Variants in OPRM1 observed in about 807,000 individuals in gnomAD.
OPRM1 encodes the protein opioid receptor mu 1, also known as mu-type opioid receptor.
In OPRM1, 27 loss-of-function variants were observed where a neutral mutation model predicts 31.8. That is an observed-to-expected ratio of 0.85 (90% CI 0.63 to 1.17). OPRM1 has a LOEUF of 1.17. Ranked by LOEUF, OPRM1 falls within the 50% of genes most tolerant of loss-of-function variation. The pLI is 0.00. For synonymous variants in OPRM1, 196 were observed against 189.9 expected (o/e 1.03, Z -0.26); for missense variants, 536 against 511.1 (o/e 1.05, Z -0.47).
At position 154,091,426 on chromosome 6, in the gene OPRM1, G is replaced by C; in HGVS notation, c.1118G>C (p.Arg373Thr). The stretch of plus-strand genomic sequence containing the variant: ...TCCACTCGAATTCGTCAGAACACTA[G>C]AGACCACCCCTCCACGGCCAATACA... ...QNSTRIRQNT[R>T]DHPSTANTVD... Residue 373 changes from arginine to threonine, a missense_variant, in exon 3 of 4, where the codon AGA becomes ACA. Coordinates refer to ENST00000330432, the MANE Select transcript of OPRM1 (RefSeq NM_000914.5). 1.9e-6 allele frequency: 3 copies of C among 1,613,816 alleles called. No individual in the cohort carries two copies. The highest frequency in any genetic ancestry group is 2.5e-6 in the Non-Finnish European group (3 of 1,180,022).
At chr6:154,068,114 C>G (rs1785848797) in intron 1 of OPRM1, among the ~76,000 whole-genome samples, 1 of 152,034 alleles carries the variant, frequency 6.6e-6, no homozygotes, top group Non-Finnish European at 1.5e-5. Flanking sequence ...TCTATATTAT[C>G]ATTTCAACAA....
intron 3 of OPRM1, chr6:154,200,114 T>C (rs1215878976): frequency 7.4e-7 from 1 of 1,357,986 alleles, no homozygotes; most frequent in Non-Finnish European, 9.9e-7. Context: ...ACCTTTTATT[T>C]TCAATCACGG....
chr6:154,159,896 C>T (rs760465059), intron 3 of OPRM1: 2 of 1,613,840 alleles, frequency 1.2e-6, no homozygotes, highest in South Asian at 1.1e-5. Flanking sequence ...TCATCAGTGT[C>T]ATCAGGGGCA....
intron 3 of OPRM1, among the ~76,000 whole-genome samples, chr6:154,117,381 G>C (rs1796986731): frequency 6.6e-6 from 1 of 152,140 alleles, no homozygotes; most frequent in Admixed American, 6.5e-5. Context: ...CAACTCTATA[G>C]GTGCCAAAAT....
chr6:154,179,046 C>A (rs1388104462), intron 3 of OPRM1, among the ~76,000 whole-genome samples: 1 of 152,202 alleles, frequency 6.6e-6, no homozygotes, highest in Non-Finnish European at 1.5e-5. Flanking sequence ...AGGTCCACGA[C>A]CCAGTCAGGG....
chr6:154,088,048 G>GT (rs373277282), intron 1 of OPRM1, among the ~76,000 whole-genome samples: 10 of 151,732 alleles, frequency 6.6e-5, no homozygotes, highest in African/African-American at 2.2e-4. Context: ...ACATCCAAAA[G>GT]TTGTATGCAA....
At chr6:154,118,030 A>G (rs1797059524) in intron 3 of OPRM1, among the ~76,000 whole-genome samples, 1 of 152,208 alleles carries the variant, frequency 6.6e-6, no homozygotes, top group South Asian at 2.1e-4. Context: ...TAGCAGTATT[A>G]TAATGAATGA....
chr6:154,140,865 A>G (rs1160620260), intron 3 of OPRM1, among the ~76,000 whole-genome samples: 2 of 152,192 alleles, frequency 1.3e-5, no homozygotes, highest in Non-Finnish European at 2.9e-5. Flanking sequence ...TTTTAATGTG[A>G]TCAAGTCCAT....
downstream of OPRM1, among the ~76,000 whole-genome samples, chr6:154,134,430 A>G (rs540489055): frequency 1.7e-4 from 26 of 152,322 alleles, 1 homozygote; most frequent in Admixed American, 1.2e-3. Flanking sequence ...ATGTCTGCAA[A>G]GAAGACTTCT....
At chr6:154,114,840 G>T (rs1796699017) in intron 3 of OPRM1, among the ~76,000 whole-genome samples, 1 of 150,472 alleles carries the variant, frequency 6.6e-6, no homozygotes, top group Non-Finnish European at 1.5e-5. Context: ...CCTTGGTCAA[G>T]GTTGTGGTTT....
At chr6:154,036,459 G>T (rs1373884753), upstream of OPRM1, among the ~76,000 whole-genome samples, 1 of 151,920 alleles carries the variant, frequency 6.6e-6, no homozygotes, top group Admixed American at 6.5e-5. Flanking sequence ...GAAGCACAAA[G>T]TTCAAGTCCT....
chr6:154,011,554 G>T (rs902324670), intron 1 of OPRM1, among the ~76,000 whole-genome samples: 2 of 152,046 alleles, frequency 1.3e-5, no homozygotes, highest in African/African-American at 4.8e-5. Context: ...CTCATACAAA[G>T]AATTTAAGCC....
chr6:154,066,217 G>T (rs1177419320), intron 1 of OPRM1, among the ~76,000 whole-genome samples: 1 of 152,022 alleles, frequency 6.6e-6, no homozygotes, highest in Non-Finnish European at 1.5e-5. Context: ...AGGGACATTG[G>T]TTTACTGTTT....
upstream of OPRM1, chr6:154,039,020 C>T (rs1171572082): frequency 2.1e-6 from 2 of 972,418 alleles, no homozygotes; most frequent in East Asian, 2.7e-5. Context: ...TTTCATCAAG[C>T]CAATGTATTC....
downstream of OPRM1, among the ~76,000 whole-genome samples, chr6:154,136,388 C>T (rs894583969): frequency 1.3e-5 from 2 of 152,170 alleles, no homozygotes; most frequent in Admixed American, 1.3e-4. Flanking sequence ...AGAGAAACTC[C>T]TATGAGAATG....
chr6:154,176,533 A>G (rs1466061040), intron 3 of OPRM1, among the ~76,000 whole-genome samples: 1 of 152,132 alleles, frequency 6.6e-6, no homozygotes, highest in Non-Finnish European at 1.5e-5. Flanking sequence ...CCAATAACAG[A>G]CAGAGAGCCA....
At chr6:154,045,827 A>T (rs1781009742) in intron 1 of OPRM1, among the ~76,000 whole-genome samples, 1 of 152,202 alleles carries the variant, frequency 6.6e-6, no homozygotes, top group South Asian at 2.1e-4. Flanking sequence ...CTTGACCAGG[A>T]AATGGAAGCC....
chr6:154,061,249 G>A (rs1784344595), intron 1 of OPRM1, among the ~76,000 whole-genome samples: 1 of 152,104 alleles, frequency 6.6e-6, no homozygotes, highest in African/African-American at 2.4e-5. Flanking sequence ...TCTCCATCTA[G>A]TAGAACAAAT....
chr6:154,038,080 C>T (rs1315515293), upstream of OPRM1, among the ~76,000 whole-genome samples: 1 of 151,982 alleles, frequency 6.6e-6, no homozygotes, highest in Non-Finnish European at 1.5e-5. Context: ...TGAACATTGG[C>T]AAAATAGCCT....
Sources: allele counts gnomAD v4.1 joint callset (sites outside exome capture counted in the v4.1 genomes callset), GRCh38; gene constraint gnomAD v4.1.1; transcripts MANE v1.5; gene names NCBI Gene and HGNC (gene_info 2026-07-23, HGNC 2026-07-21).